The following LRRC74A variants were observed in gnomAD, a reference collection of about 807,000 sequenced individuals.
LRRC74A encodes leucine-rich repeat-containing protein 74A.
Under a neutral mutation model 57.9 loss-of-function variants are expected in LRRC74A, and 44 were observed. The ratio of observed to expected loss-of-function variants is 0.76; its 90% CI spans 0.60 to 0.98. The LOEUF (loss-of-function observed/expected upper bound fraction) is 0.98. LRRC74A is among the 50% of genes least tolerant of loss of function. The pLI is 0.00. For synonymous variants in LRRC74A, 211 were observed against 219.4 expected (o/e 0.96, Z 0.34); for missense variants, 572 against 574.0 (o/e 1.00, Z 0.04).
chr14:76,836,856 T>C (rs1595351860), intron 4 of LRRC74A, among the ~76,000 whole-genome samples: 1 of 146,548 alleles, frequency 6.8e-6, no homozygotes, highest in African/African-American at 2.5e-5. Flanking sequence ...AAATGATAAA[T>C]GTGGCCAGGC....
At chr14:76,858,887 C>G (rs1374804227) in intron 10 of LRRC74A, among the ~76,000 whole-genome samples, 2 of 152,174 alleles carry the variant, frequency 1.3e-5, no homozygotes, top group African/African-American at 4.8e-5. Flanking sequence ...CTGCACTCAG[C>G]CTCCAGTGAT....
chr14:76,830,100 C>T lies in LRRC74A; in HGVS notation c.167-1103C>T, dbSNP rs117040614. On this transcript the variant is annotated intron_variant, in intron 2 of 13. Transcript: ENST00000689127. ...AGAATTATCCAGCCCAAAATACCTG[C>T]AGTGCTGAGGCTGAGAAGCGCTGCT... Among the ~76,000 whole-genome samples the T allele has an allele frequency of 5.7e-3, 866 of 152,326 alleles. 5 individuals are homozygous for T. Among genetic ancestry groups the T allele is most frequent in the Non-Finnish European group, 9.4e-3 (641 of 68,038 alleles).
At chr14:76,843,025 G>A (rs1896878561) in intron 5 of LRRC74A, among the ~76,000 whole-genome samples, 2 of 152,056 alleles carry the variant, frequency 1.3e-5, no homozygotes, top group Admixed American at 6.6e-5. Flanking sequence ...GACACCAGGT[G>A]CGAATCCCAG....
intron 4 of LRRC74A, 33 bp downstream of exon 4, chr14:76,836,347 C>T (rs1225940872): frequency 2.0e-6 from 3 of 1,492,694 alleles, no homozygotes; most frequent in African/African-American, 2.8e-5. Context: ...CTCTTACCAT[C>T]ATCCCTGGGG....
In LRRC74A at chr14:76,843,311, A is replaced by C. The variant is rs943480094; in HGVS notation, c.545-1112A>C. On this transcript the variant is annotated intron_variant, in intron 5 of 13. Transcript: ENST00000689127. The stretch of plus-strand genomic sequence containing the variant: ...TCAAAAAAAAAAAAAAAAAAAAAAA[A>C]AAAAAAAAAAAACTTGTTCAATATA... 4.0e-4 allele frequency among the ~76,000 whole-genome samples: 27 copies of C among 68,132 alleles called. No homozygotes were observed. In the East Asian group the frequency reaches 8.9e-3, roughly 23 times the overall value. The allele number at this position is 68,132 out of a possible 152,430, so 44.7% of individuals were successfully genotyped here.
chr14:76,853,158 T>G (rs1897626931), intron 8 of LRRC74A, 58 bp from the exon 9 acceptor site: 1 of 1,500,466 alleles, frequency 6.7e-7, no homozygotes, highest in East Asian at 2.3e-5. Flanking sequence ...GGGACCCTTT[T>G]GGTTGGATGA....
At chr14:76,854,121 C>G (rs1161671632) in intron 9 of LRRC74A, among the ~76,000 whole-genome samples, 1 of 152,204 alleles carries the variant, frequency 6.6e-6, no homozygotes, top group Admixed American at 6.5e-5. Context: ...CTCTCCACTC[C>G]TTTCCTCCTA....
At chr14:76,866,310 C>T (rs1200324770) in intron 12 of LRRC74A, among the ~76,000 whole-genome samples, 3 of 152,140 alleles carry the variant, frequency 2.0e-5, no homozygotes, top group Non-Finnish European at 2.9e-5. Flanking sequence ...ACCAGTGACC[C>T]GAGATGCCAC....
intron 12 of LRRC74A, among the ~76,000 whole-genome samples, chr14:76,866,651 AG>A (rs1353645014): frequency 2.0e-5 from 3 of 151,992 alleles, no homozygotes; most frequent in Admixed American, 1.3e-4. Flanking sequence ...GGGGGTGAAG[AG>A]GCTGGCCAGG....
chr14:76,866,134 CAG>C, intron 12 of LRRC74A, 59 bp downstream of exon 12: 1 of 1,276,780 alleles, frequency 7.8e-7, no homozygotes, highest in Non-Finnish European at 1.1e-6. Context: ...GTTTGTGTGT[CAG>C]AGAGAGGGGA....
At chr14:76,850,300 G>A (rs1478583628) in intron 7 of LRRC74A, among the ~76,000 whole-genome samples, 3 of 152,180 alleles carry the variant, frequency 2.0e-5, no homozygotes, top group Non-Finnish European at 4.4e-5. Context: ...AACCTGCCTG[G>A]GATCACATGG....
intron 7 of LRRC74A, among the ~76,000 whole-genome samples, chr14:76,845,207 C>T (rs1293123709): frequency 2.0e-5 from 3 of 152,068 alleles, no homozygotes; most frequent in African/African-American, 7.2e-5. Flanking sequence ...ACCTGTAATC[C>T]CAGCTACTCG....
chr14:76,829,288 T>C lies in LRRC74A; in HGVS notation c.166+869T>C. Reference sequence around the variant, plus strand: ...TGGAGGAAGGCCAGTTCTGCCAAATTAAACTGTGAAGTTCATCTGCATAGA... The same window carrying C: ...TGGAGGAAGGCCAGTTCTGCCAAATCAAACTGTGAAGTTCATCTGCATAGA... On this transcript the variant is annotated intron_variant, in intron 2 of 13. Coordinates refer to ENST00000689127, the MANE Select transcript of LRRC74A (RefSeq NM_001385106.1). 8.0e-6 allele frequency: 7 copies of C among 871,684 alleles called. No individual in the cohort carries two copies. In the South Asian group the frequency reaches 1.0e-4, roughly 13 times the overall value. The allele number at this position is 871,684 out of a possible 1,614,324, so 54.0% of individuals were successfully genotyped here. A position where few individuals can be genotyped will look rare whatever the true frequency, so the allele number is the denominator to read the frequency against.
At chr14:76,862,305 G>T (rs1158877787) in intron 11 of LRRC74A, among the ~76,000 whole-genome samples, 1 of 152,180 alleles carries the variant, frequency 6.6e-6, no homozygotes, top group East Asian at 1.9e-4. Context: ...CAAAGCGGGT[G>T]GATCACTTGA....
At position 76,852,456 on chromosome 14, in the gene LRRC74A, G is replaced by A. The variant is rs753838070; in HGVS notation, c.762+6G>A. 1 of 1,588,592 alleles carries A rather than the reference G, an allele frequency of 6.3e-7. No homozygotes were observed. Among genetic ancestry groups the A allele is most frequent in the Non-Finnish European group, 8.6e-7 (1 of 1,160,868 alleles). ...CCTTGTGCAATGGTCTCCGGGTAAG[G>A]CACTCTCCAGGAGTGATGTGTGGAG... is the stretch of plus-strand genomic sequence containing the variant. On this transcript the variant is annotated splice_donor_region_variant and intron_variant, in intron 8 of 13. Coordinates refer to ENST00000689127, the MANE Select transcript of LRRC74A (RefSeq NM_001385106.1).
In LRRC74A at chr14:76,826,683, G is replaced by T; in HGVS notation, c.-15G>T. 1 of 1,569,658 alleles carries T rather than the reference G, an allele frequency of 6.4e-7. No homozygotes were observed. The highest frequency in any genetic ancestry group is 1.2e-5 in the South Asian group (1 of 86,104). On this transcript the variant is annotated 5_prime_UTR_variant, in exon 1 of 14. Transcript: ENST00000689127. ...GCAAGAAGTTGGCAGCTGCCCTCAA[G>T]AGGGTCCTGGCACCATGGACAATGA...
intron 2 of LRRC74A, among the ~76,000 whole-genome samples, chr14:76,830,542 C>A (rs1235866594): frequency 6.6e-6 from 1 of 152,242 alleles, no homozygotes; most frequent in Non-Finnish European, 1.5e-5. Flanking sequence ...GTCAATAAAG[C>A]AAGGATGACA....
Position 76,864,533 on chromosome 14 carries a change from T to A in LRRC74A, c.1201-1435T>A, listed in dbSNP as rs117326593. On this transcript the variant is annotated intron_variant, in intron 11 of 13. Transcript: ENST00000689127. ...CGGGTGCGGGGAAGAGAAAAAAAAA[T>A]ACTTAAAAAGGACCAAAAAGAATAT... Among the ~76,000 whole-genome samples the A allele has an allele frequency of 0.017, 2,525 of 150,028 alleles. 142 individuals carry two copies. The East Asian group carries it at 0.17, about 10-fold the overall frequency.
At position 76,857,491 on chromosome 14, in the gene LRRC74A, G is replaced by A. The variant is rs1234853243; in HGVS notation, c.1053+16G>A. The A allele has an allele frequency of 6.5e-7, 1 of 1,541,704 alleles. No individual in the cohort carries two copies. Among genetic ancestry groups the A allele is most frequent in the Non-Finnish European group, 8.8e-7 (1 of 1,136,020 alleles). ...TGATATTTCCGTAAGTGATCAAATGGTAGTTGCTTGCGTCTGGGCACAAGC... is the reference window on the plus strand; with the variant it reads ...TGATATTTCCGTAAGTGATCAAATGATAGTTGCTTGCGTCTGGGCACAAGC... On this transcript the variant is annotated intron_variant, in intron 10 of 13. Transcript: ENST00000689127.
Sources: gnomAD v4.1 joint callset for allele counts (sites outside exome capture counted in the v4.1 genomes callset) on GRCh38, gnomAD v4.1.1 for gene constraint, MANE v1.5 for transcripts, NCBI Gene and HGNC (gene_info 2026-07-23, HGNC 2026-07-21) for gene names.